The following ZNF208 variants were observed in gnomAD, a reference collection of about 807,000 sequenced individuals.
The protein encoded by ZNF208 is zinc finger protein 208.
A neutral mutation model predicts 12.1 loss-of-function variants in ZNF208; 10 were observed. That is an observed-to-expected ratio of 0.83 (90% CI 0.51 to 1.40). The LOEUF (loss-of-function observed/expected upper bound fraction) is 1.40. ZNF208 is among the 40% of genes most tolerant of loss of function. ZNF208 has a pLI of 0.00. For missense variants in ZNF208, 1,652 were observed against 1,485.0 expected (o/e 1.11, Z -1.85); for synonymous variants, 497 against 488.4 (o/e 1.02, Z -0.23).
intron 3 of ZNF208, among the ~76,000 whole-genome samples, chr19:21,983,858 G>A (rs918247755): frequency 6.6e-6 from 1 of 152,058 alleles, no homozygotes; most frequent in Non-Finnish European, 1.5e-5. Flanking sequence ...TCAAGGGGTG[G>A]GGGCTAGGGG....
Position 21,977,948 on chromosome 19 carries a change from T to C in ZNF208, c.227-3141A>G, listed in dbSNP as rs150602370. Among the ~76,000 whole-genome samples the C allele has an allele frequency of 2.3e-4, 35 of 152,062 alleles. No individual in the cohort carries two copies. The East Asian group carries it at 6.0e-3, about 26-fold the overall frequency. ...TGAGTAGGCAGCTTTACCCTCAGAGTATAAACAAAGCCACCCGGAAGATTG... is the reference window on the plus strand; with the variant it reads ...TGAGTAGGCAGCTTTACCCTCAGAGCATAAACAAAGCCACCCGGAAGATTG... On this transcript the variant is annotated intron_variant, in intron 3 of 3. Coordinates refer to ENST00000397126, the MANE Select transcript of ZNF208 (RefSeq NM_007153.3).
At chr19:21,999,294 ATAAC>A (rs1330539634) in intron 1 of ZNF208, among the ~76,000 whole-genome samples, 1 of 152,208 alleles carries the variant, frequency 6.6e-6, no homozygotes, top group African/African-American at 2.4e-5. Context: ...TAATATTAAA[ATAAC>A]TAAGGAATTC....
chr19:21,977,913 T>A (rs570287437), intron 3 of ZNF208, among the ~76,000 whole-genome samples: 4 of 152,220 alleles, frequency 2.6e-5, no homozygotes, highest in Admixed American at 2.6e-4. Flanking sequence ...CGTCCGCCAT[T>A]GCTGAGGCTT....
At chr19:22,006,350 T>C (rs1971043938) in intron 1 of ZNF208, among the ~76,000 whole-genome samples, 1 of 152,200 alleles carries the variant, frequency 6.6e-6, no homozygotes, top group Admixed American at 6.5e-5. Context: ...CCTGTTGTAA[T>C]ACTCCTTTGG....
rs1430208815 is a variant in ZNF208 at position 21,972,898 on chromosome 19, C to T, written c.2136G>A (p.Lys712=). ...AGGGTTTCTCTCCAGTATGAATTCT[C>T]TTATGTTCCATAAGGTTTGAGGACC... is the stretch of plus-strand genomic sequence containing the variant. ...FNWSSNLMEH[K]RIHTGEKPYK... is the part of the protein sequence containing the mutation. Residue 712 remains lysine (K), a synonymous_variant, in exon 4 of 4, where the codon AAG becomes AAA. Coordinates refer to ENST00000397126, the MANE Select transcript of ZNF208 (RefSeq NM_007153.3). 6.2e-7 allele frequency: 1 copy of T among 1,613,378 alleles called. No homozygotes were observed. The highest frequency in any genetic ancestry group is 8.5e-7 in the Non-Finnish European group (1 of 1,179,798).
chr19:21,992,127 G>T (rs1002461366), intron 1 of ZNF208, among the ~76,000 whole-genome samples: 1 of 152,212 alleles, frequency 6.6e-6, no homozygotes, highest in Non-Finnish European at 1.5e-5. Context: ...GATTAAATGT[G>T]TTGGTTTATT....
chr19:21,940,014 ACTT>A (rs1368834056), intron 4 of ZNF208: 2 of 152,086 alleles, frequency 1.3e-5, no homozygotes, highest in Non-Finnish European at 2.9e-5. Context: ...AGGATTTAAA[ACTT>A]CTAGGAGAGG....
intron 4 of ZNF208, among the ~76,000 whole-genome samples, chr19:21,945,349 G>T (rs1468052783): frequency 1.3e-5 from 2 of 152,128 alleles, no homozygotes; most frequent in Non-Finnish European, 2.9e-5. Flanking sequence ...ACTTTATGCT[G>T]CATCTTCTTT....
At chr19:21,941,265 T>G (rs2522095) in intron 4 of ZNF208, 224,775 of 398,754 alleles carry the variant, frequency 0.56, 64,246 homozygotes, top group East Asian at 0.66. Flanking sequence ...CAAAGAAAAT[T>G]AGCAGAAACC....
At chr19:21,949,416 G>T (rs1969859392) in intron 4 of ZNF208, among the ~76,000 whole-genome samples, 2 of 152,140 alleles carry the variant, frequency 1.3e-5, no homozygotes, top group East Asian at 1.9e-4. Context: ...GATAAAGAAA[G>T]AATTAAACTC....
intron 1 of ZNF208, among the ~76,000 whole-genome samples, chr19:21,990,993 A>G (rs567789301): frequency 6.6e-6 from 1 of 152,298 alleles, no homozygotes; most frequent in East Asian, 1.9e-4. Context: ...TATCAGCTTA[A>G]GGAGATTTTG....
rs771410670 is a variant in ZNF208, at chr19:21,972,782, C to T, written c.2252G>A (p.Cys751Tyr). 13 of 1,611,888 alleles carry T rather than the reference C, an allele frequency of 8.1e-6. No individual in the cohort carries two copies. The East Asian group carries it at 2.9e-4, about 36-fold the overall frequency. ...CTTATAGGCTTTGCCACATTCTTCA[C>T]ATTTGTAGGGTTTCTCTCCAGTATG... The part of the protein sequence containing the change: ...VIHTGEKPYK[C>Y]EECGKAYKWS... Residue 751 changes from cysteine to tyrosine, a missense_variant, in exon 4 of 4, where the codon TGT (cysteine) becomes TAT (tyrosine). Cys to Tyr is a radical substitution (Grantham distance 194). Coordinates refer to ENST00000397126, the MANE Select transcript of ZNF208 (RefSeq NM_007153.3).
At chr19:22,010,668 G>T (rs2145592786) in intron 1 of ZNF208, 124 bp downstream of exon 1, 1 of 1,473,916 alleles carries the variant, frequency 6.8e-7, no homozygotes, top group Non-Finnish European at 9.5e-7. Flanking sequence ...GTCGAGCTAG[G>T]CAAGAACTCG....
rs780844041 is a variant in ZNF208 at position 21,973,154 on chromosome 19, T to C, written c.1880A>G (p.His627Arg). 2 of 1,613,634 alleles carry C rather than the reference T, an allele frequency of 1.2e-6. No individual in the cohort carries two copies. Among genetic ancestry groups the C allele is most frequent in the Non-Finnish European group, 1.7e-6 (2 of 1,179,874 alleles). ...TFSKVSTLTT[H>R]KAIHAGEKPY... is the part of the protein sequence containing the mutation. Reference sequence around the variant, plus strand: ...CTTCTCTCCAGCATGAATTGCCTTATGTGTAGTAAGGGTTGAGACCTTACT... The same window carrying C: ...CTTCTCTCCAGCATGAATTGCCTTACGTGTAGTAAGGGTTGAGACCTTACT... Residue 627 changes from histidine (H) to arginine (R), a missense_variant, in exon 4 of 4, where the codon CAT becomes CGT. Coordinates refer to ENST00000397126, the MANE Select transcript of ZNF208 (RefSeq NM_007153.3).
Position 21,973,882 on chromosome 19 carries a change from A to G in ZNF208, c.1152T>C (p.Leu384=). 1 of 1,613,352 alleles carries G rather than the reference A, an allele frequency of 6.2e-7. No individual in the cohort carries two copies. Among genetic ancestry groups the G allele is most frequent in the Non-Finnish European group, 8.5e-7 (1 of 1,179,836 alleles). ...CGKAYKWPST[L]SYHKKIHTGE... ...CAGTATGAATTTTCTTATGATAACT[A>G]AGGGTTGAGGGCCACTTATAGGCTT... Residue 384 remains leucine (L), a synonymous_variant, in exon 4 of 4, where the codon CTT becomes CTC. Transcript: ENST00000397126.
chr19:21,964,610 TG>T (rs1970132936), downstream of ZNF208, among the ~76,000 whole-genome samples: 1 of 151,796 alleles, frequency 6.6e-6, no homozygotes, highest in Non-Finnish European at 1.5e-5. Context: ...ATTCTAACAA[TG>T]ATATCTCTCA....
At chr19:21,965,711 GC>G (rs1970150987), downstream of ZNF208, 1 of 149,602 alleles carries the variant, frequency 6.7e-6, no homozygotes, top group African/African-American at 2.5e-5. Context: ...AGACTTTTGT[GC>G]TTTTTTTTTT....
At chr19:21,943,189 C>T (rs764621546) in intron 4 of ZNF208, among the ~76,000 whole-genome samples, 3 of 151,896 alleles carry the variant, frequency 2.0e-5, no homozygotes, top group African/African-American at 7.3e-5. Flanking sequence ...AAATGGTAAT[C>T]GAGAATGTCA....
rs768256186 is a variant in ZNF208, at chr19:21,987,198, G to A, written c.226+18C>T. The A allele has an allele frequency of 6.2e-6, 10 of 1,606,944 alleles. No individual in the cohort carries two copies. The East Asian group carries it at 1.1e-4, about 18-fold the overall frequency. Reference sequence around the variant, plus strand: ...TTTCGACCTCTCATCCATGTTGTCTGTATTCACTCTCACCTACCTGGGGAT... The same window carrying A: ...TTTCGACCTCTCATCCATGTTGTCTATATTCACTCTCACCTACCTGGGGAT... On this transcript the variant is annotated intron_variant, in intron 3 of 3. Transcript: ENST00000397126.
Sources: allele counts gnomAD v4.1 joint callset (sites outside exome capture counted in the v4.1 genomes callset), GRCh38; gene constraint gnomAD v4.1.1; transcripts MANE v1.5; gene names NCBI Gene and HGNC (gene_info 2026-07-23, HGNC 2026-07-21).